Variants in BTLA observed in about 807,000 individuals in gnomAD.
BTLA encodes B and T lymphocyte associated, also known as B- and T-lymphocyte attenuator.
Under a neutral mutation model 25.0 loss-of-function variants are expected in BTLA, and 11 were observed. That is an observed-to-expected ratio of 0.44 (90% CI 0.28 to 0.73). The LOEUF is 0.73. Ranked by LOEUF, BTLA falls within the 30% of genes least tolerant of loss-of-function variation. The pLI, the probability that BTLA is intolerant of heterozygous loss-of-function variation, is 0.15. For synonymous variants in BTLA, 104 were observed against 119.8 expected, an observed-to-expected ratio of 0.87 and a Z score of 0.86; for missense variants, 282 against 332.8, an observed-to-expected ratio of 0.85 and a Z score of 1.19.
intron 2 of BTLA, among the ~76,000 whole-genome samples, chr3:112,471,975 T>C (rs1272728494): frequency 6.6e-6 from 1 of 152,180 alleles, no homozygotes; most frequent in Non-Finnish European, 1.5e-5. Flanking sequence ...CATTAGCAGG[T>C]TGTGAAACAA....
intron 4 of BTLA, 127 bp downstream of exon 4, chr3:112,469,631 A>ACATAGAATATGTGTATAC (rs11267594): frequency 6.3e-6 from 1 of 159,646 alleles, no homozygotes; most frequent in Non-Finnish European, 1.2e-5. Flanking sequence ...ATATATATAT[A>ACATAGAATATGTGTATAC]TATATATATA....
intron 2 of BTLA, among the ~76,000 whole-genome samples, chr3:112,471,688 G>T (rs189097529): frequency 8.0e-4 from 122 of 152,300 alleles, no homozygotes; most frequent in Admixed American, 1.6e-3. Flanking sequence ...CATCACTTAA[G>T]TAGGAAAACC....
chr3:112,498,830 T>C (rs2082424994), intron 1 of BTLA, among the ~76,000 whole-genome samples: 1 of 152,070 alleles, frequency 6.6e-6, no homozygotes, highest in South Asian at 2.1e-4. Flanking sequence ...AGGGTAACCA[T>C]GGAGATATGT....
intron 1 of BTLA, among the ~76,000 whole-genome samples, chr3:112,486,636 C>T (rs2082349461): frequency 6.6e-6 from 1 of 152,044 alleles, no homozygotes; most frequent in Non-Finnish European, 1.5e-5. Context: ...TGAAATTCTG[C>T]AAAGATACAA....
At chr3:112,497,769 C>G (rs1022142870) in intron 1 of BTLA, among the ~76,000 whole-genome samples, 1 of 152,126 alleles carries the variant, frequency 6.6e-6, no homozygotes, top group African/African-American at 2.4e-5. Context: ...CCAAACTACA[C>G]AGTTTAAAAT....
intron 1 of BTLA, among the ~76,000 whole-genome samples, chr3:112,493,906 A>T (rs572350819): frequency 6.6e-6 from 1 of 152,308 alleles, no homozygotes; most frequent in East Asian, 1.9e-4. Flanking sequence ...AGGTCAGGAG[A>T]TCAAGACCAT....
At chr3:112,493,693 G>A (rs2082392899) in intron 1 of BTLA, among the ~76,000 whole-genome samples, 1 of 152,158 alleles carries the variant, frequency 6.6e-6, no homozygotes, top group Admixed American at 6.5e-5. Context: ...GTACAGACAG[G>A]GTTTCACTAT....
intron 1 of BTLA, among the ~76,000 whole-genome samples, chr3:112,484,859 T>C (rs1196044939): frequency 1.3e-5 from 2 of 152,112 alleles, no homozygotes; most frequent in Non-Finnish European, 2.9e-5. Context: ...GGCACAGGAA[T>C]TTTTCTTGAA....
intron 4 of BTLA, among the ~76,000 whole-genome samples, chr3:112,467,162 AT>A (rs1559822458): frequency 1.3e-5 from 2 of 151,834 alleles, no homozygotes; most frequent in African/African-American, 4.8e-5. Context: ...GGGTTTCACC[AT>A]TTTAGCCAGG....
At chr3:112,490,960 T>C (rs2082376962) in intron 1 of BTLA, among the ~76,000 whole-genome samples, 1 of 152,220 alleles carries the variant, frequency 6.6e-6, no homozygotes, top group South Asian at 2.1e-4. Flanking sequence ...GCAAGTAAAT[T>C]TGAAGACTGA....
Position 112,464,269 on chromosome 3 carries a change from TA to T in BTLA, c.*1838del, listed in dbSNP as rs1223745456. On this transcript the variant is annotated 3_prime_UTR_variant, in exon 5 of 5. Transcript: ENST00000334529. ...GCATTATCTTTACTATAAGACATAC[TA>T]AGGATATTTTAAATAAGACAGAAAT... 2 of 396,274 alleles carry T rather than the reference TA, an allele frequency of 5.0e-6. No individual in the cohort carries two copies. The highest frequency in any genetic ancestry group is 2.1e-5 in the African/African-American group (1 of 48,570). 24.5% of individuals were successfully genotyped at this position (396,274 alleles called of 1,614,324 possible). A position where few individuals can be genotyped will look rare whatever the true frequency, so the allele number is the denominator to read the frequency against.
At chr3:112,476,676 G>A (rs1446871342) in intron 2 of BTLA, among the ~76,000 whole-genome samples, 1 of 152,110 alleles carries the variant, frequency 6.6e-6, no homozygotes, top group Non-Finnish European at 1.5e-5. Flanking sequence ...TATTTTTATT[G>A]TGGTAAAATA....
At chr3:112,480,561 C>T (rs936025732) in intron 1 of BTLA, among the ~76,000 whole-genome samples, 3 of 152,192 alleles carry the variant, frequency 2.0e-5, no homozygotes, top group African/African-American at 7.2e-5. Flanking sequence ...GCTGCATTAT[C>T]TCATGGCAGA....
intron 4 of BTLA, among the ~76,000 whole-genome samples, chr3:112,467,162 A>G (rs937299368): frequency 1.3e-5 from 2 of 151,834 alleles, no homozygotes; most frequent in African/African-American, 4.8e-5. Context: ...GGGTTTCACC[A>G]TTTTAGCCAG....
At chr3:112,493,971 G>T (rs1006085010) in intron 1 of BTLA, among the ~76,000 whole-genome samples, 2 of 152,166 alleles carry the variant, frequency 1.3e-5, no homozygotes, top group Non-Finnish European at 2.9e-5. Context: ...TTAGCCAGGC[G>T]TGGTGGCAGC....
At chr3:112,486,847 A>T (rs2082350258) in intron 1 of BTLA, among the ~76,000 whole-genome samples, 1 of 152,250 alleles carries the variant, frequency 6.6e-6, no homozygotes, top group African/African-American at 2.4e-5. Context: ...ATAAAAATTC[A>T]AGAAGTTTGC....
At chr3:112,485,764 T>C (rs925658640) in intron 1 of BTLA, among the ~76,000 whole-genome samples, 12 of 152,174 alleles carry the variant, frequency 7.9e-5, no homozygotes, top group African/African-American at 2.7e-4. Context: ...TCATATCTGA[T>C]GACAGGAAAT....
rs56752404 is a variant in BTLA at position 112,464,798 on chromosome 3, A to AACACACACACAC, written c.*1298_*1309dup. ...ATTTCTGTTGTCACCCACCCCACCT[A>AACACACACACAC]ACACACACACACACACACACACACA... On this transcript the variant is annotated 3_prime_UTR_variant, in exon 5 of 5. Coordinates refer to ENST00000334529, the MANE Select transcript of BTLA (RefSeq NM_181780.4). 12 of 146,596 alleles carry AACACACACACAC rather than the reference A, an allele frequency of 8.2e-5. No homozygotes were observed. Among genetic ancestry groups the AACACACACACAC allele is most frequent in the African/African-American group, 2.7e-4 (11 of 40,130 alleles). The allele number at this position is 146,596 out of a possible 1,614,324, so 9.1% of individuals were successfully genotyped here. A position where few individuals can be genotyped will look rare whatever the true frequency, so the allele number is the denominator to read the frequency against.
intron 2 of BTLA, among the ~76,000 whole-genome samples, chr3:112,474,369 C>A (rs2082278347): frequency 6.6e-6 from 1 of 151,936 alleles, no homozygotes; most frequent in South Asian, 2.1e-4. Context: ...TTTCTTTGAC[C>A]CTCCCTGTTA....
Sources: gnomAD v4.1 joint callset for allele counts (sites outside exome capture counted in the v4.1 genomes callset) on GRCh38, gnomAD v4.1.1 for gene constraint, MANE v1.5 for transcripts, NCBI Gene and HGNC (gene_info 2026-07-23, HGNC 2026-07-21) for gene names.